Variants in SYBU observed in about 807,000 individuals in gnomAD.
The protein encoded by SYBU is GOLSYN A protein.
In SYBU, 21 loss-of-function variants were observed where a neutral mutation model predicts 35.9. The ratio of observed to expected loss-of-function variants is 0.58; its 90% confidence interval spans 0.41 to 0.84. The LOEUF is 0.84. Among genes scored for constraint, SYBU ranks in the 40% least tolerant of loss-of-function variants. SYBU has a pLI of 0.00. For synonymous variants in SYBU, 319 were observed against 324.3 expected (o/e 0.98, Z 0.18); for missense variants, 768 against 848.2 (o/e 0.91, Z 1.17).
At chr8:109,636,104 C>T (rs1259230849) in intron 2 of SYBU, among the ~76,000 whole-genome samples, 1 of 152,182 alleles carries the variant, frequency 6.6e-6, no homozygotes, top group Non-Finnish European at 1.5e-5. Context: ...GGAAGAAGTT[C>T]TGAGCATGGC....
chr8:109,618,661 G>A (rs1199483066), intron 3 of SYBU, 181 bp downstream of exon 3: 7 of 619,598 alleles, frequency 1.1e-5, no homozygotes, highest in Non-Finnish European at 1.7e-5. Context: ...TAGTTACTCA[G>A]TTATTAAAAA....
upstream of SYBU, chr8:109,646,047 A>G (rs1432148029): frequency 3.9e-5 from 6 of 152,228 alleles, no homozygotes; most frequent in African/African-American, 1.4e-4. Context: ...ATGCACACAA[A>G]TTTGTTTAAG....
chr8:109,662,847 T>C (rs976775240), intron 1 of SYBU, among the ~76,000 whole-genome samples: 2 of 152,194 alleles, frequency 1.3e-5, no homozygotes, highest in Admixed American at 6.5e-5. Context: ...AAATTATATG[T>C]TTGTCTTTTA....
rs1823400993 is a variant in SYBU, at chr8:109,584,564, A to G, written c.530+1496T>C. Among the ~76,000 whole-genome samples, 1 of 152,178 alleles carries G rather than the reference A, an allele frequency of 6.6e-6. No individual in the cohort carries two copies. The highest frequency in any genetic ancestry group is 2.4e-5 in the African/African-American group (1 of 41,452). On this transcript the variant is annotated intron_variant, in intron 4 of 6. Coordinates refer to ENST00000276646, the MANE Select transcript of SYBU (RefSeq NM_001099754.2). The surrounding 1 kb of genome is among the most constrained non-coding windows in gnomAD (Gnocchi z 4.0). The stretch of plus-strand genomic sequence containing the variant: ...CACAGAATGTTTACATTCATGTCCT[A>G]TAATCCCAGAGGCACTTTATTGCCA...
chr8:109,670,678 T>C (rs1816947421), intron 1 of SYBU, among the ~76,000 whole-genome samples: 1 of 152,140 alleles, frequency 6.6e-6, no homozygotes. Context: ...TGTTTAAACA[T>C]AAGATCTTTA....
At chr8:109,613,522 G>C (rs1200322761) in intron 3 of SYBU, among the ~76,000 whole-genome samples, 1 of 152,146 alleles carries the variant, frequency 6.6e-6, no homozygotes, top group African/African-American at 2.4e-5. Flanking sequence ...CTAGTGGTTA[G>C]AAAGTTCTCC....
upstream of SYBU, among the ~76,000 whole-genome samples, chr8:109,683,960 T>C (rs895294440): frequency 1.3e-5 from 2 of 152,212 alleles, no homozygotes; most frequent in Non-Finnish European, 2.9e-5. Context: ...GATTATAAGT[T>C]TCCTGATGCC....
intron 3 of SYBU, among the ~76,000 whole-genome samples, chr8:109,604,209 T>TAAA (rs147632519): frequency 6.6e-6 from 1 of 151,358 alleles, no homozygotes; most frequent in African/African-American, 2.4e-5. Context: ...CAATAGAATT[T>TAAA]AAAAAAAAAC....
intron 2 of SYBU, among the ~76,000 whole-genome samples, chr8:109,629,187 G>T (rs182060290): frequency 2.0e-5 from 3 of 152,284 alleles, no homozygotes; most frequent in Admixed American, 6.5e-5. Context: ...TTTATTGGAA[G>T]TGCAACAGAA....
At chr8:109,673,246 TC>T (rs1281006459) in intron 1 of SYBU, among the ~76,000 whole-genome samples, 1 of 152,086 alleles carries the variant, frequency 6.6e-6, no homozygotes, top group African/African-American at 2.4e-5. Flanking sequence ...GGGAGACACC[TC>T]CCAGCAAGTG....
intron 2 of SYBU, among the ~76,000 whole-genome samples, chr8:109,632,735 T>C (rs1813780066): frequency 6.6e-6 from 1 of 152,238 alleles, no homozygotes; most frequent in Admixed American, 6.5e-5. Flanking sequence ...TTCTAAATTA[T>C]GAAATTTAGT....
chr8:109,583,780 G>T (rs1232103745), intron 4 of SYBU, among the ~76,000 whole-genome samples: 1 of 152,064 alleles, frequency 6.6e-6, no homozygotes. Flanking sequence ...TCTACTGATG[G>T]TACTCTGTGC....
Position 109,611,954 on chromosome 8 carries a change from A to T in SYBU, c.427+6888T>A, listed in dbSNP as rs141166908. ...AATTAGTAGGAATTTTTAGGGCTCT[A>T]CCAACATTTTAAAAAATTGTGTTTT... On this transcript the variant is annotated intron_variant, in intron 3 of 6. Coordinates refer to ENST00000276646, the MANE Select transcript of SYBU (RefSeq NM_001099754.2). 3.3e-3 allele frequency among the ~76,000 whole-genome samples: 502 copies of T among 152,318 alleles called. 3 individuals are homozygous for T. The highest frequency in any genetic ancestry group is 0.011 in the African/African-American group (448 of 41,566).
At chr8:109,599,347 AATAG>A (rs1294575211) in intron 3 of SYBU, among the ~76,000 whole-genome samples, 5 of 152,218 alleles carry the variant, frequency 3.3e-5, no homozygotes, top group African/African-American at 9.6e-5. Flanking sequence ...TGAAACATCA[AATAG>A]ATAGGGTTTT....
In SYBU at chr8:109,658,887, G is replaced by C. The variant is rs183724794; in HGVS notation, c.-129+21824C>G. Among the ~76,000 whole-genome samples the C allele has an allele frequency of 2.6e-5, 4 of 152,204 alleles. No individual in the cohort carries two copies. In the East Asian group the frequency reaches 7.7e-4, roughly 29 times the overall value. On this transcript the variant is annotated intron_variant, in intron 1 of 5. Coordinates refer to the SYBU transcript ENST00000408889. ...GAGAATCGCTTGAACCGGAAAGGCG[G>C]AGGTTGCAGTGAGCAGAGATTGCGC...
chr8:109,643,779 C>A, intron 1 of SYBU: 1 of 319,968 alleles, frequency 3.1e-6, no homozygotes, highest in Non-Finnish European at 6.1e-6. Flanking sequence ...GAGAGCACAC[C>A]AATGAATGTC....
intron 4 of SYBU, among the ~76,000 whole-genome samples, chr8:109,585,023 TACC>T (rs749206011): frequency 1.3e-5 from 2 of 152,168 alleles, no homozygotes; most frequent in Non-Finnish European, 2.9e-5. Context: ...AGCTAAAATA[TACC>T]ACAAACCACA....
chr8:109,668,365 C>A (rs541486453), intron 1 of SYBU, among the ~76,000 whole-genome samples: 7 of 152,238 alleles, frequency 4.6e-5, no homozygotes, highest in Admixed American at 4.6e-4. Flanking sequence ...TATACACCAA[C>A]AACTTCATCT....
chr8:109,633,666 G>A (rs2130549387), intron 2 of SYBU, among the ~76,000 whole-genome samples: 1 of 152,278 alleles, frequency 6.6e-6, no homozygotes, highest in South Asian at 2.1e-4. Context: ...GTGGGGTAGG[G>A]TGGTGACTAG....
Sources: gnomAD v4.1 joint callset for allele counts (sites outside exome capture counted in the v4.1 genomes callset) on GRCh38, gnomAD v4.1.1 for gene constraint, Gnocchi (gnomAD v3.1) non-coding constraint, MANE v1.5 for transcripts, NCBI Gene and HGNC (gene_info 2026-07-23, HGNC 2026-07-21) for gene names.